FAM227B: variants seen among roughly 807,000 people sequenced by gnomAD.
FAM227B encodes family with sequence similarity 227 member B.
FAM227B carries 88 observed loss-of-function variants against 73.8 expected under a neutral mutation model. The ratio of observed to expected loss-of-function variants is 1.19; its 90% CI spans 1.00 to 1.42. FAM227B has a LOEUF of 1.42. Ranked by LOEUF, FAM227B falls within the 40% of genes most tolerant of loss-of-function variation. The pLI is 0.00. For missense variants in FAM227B, 632 were observed against 590.9 expected (o/e 1.07, Z -0.72); for synonymous variants, 210 against 190.5 (o/e 1.10, Z -0.84).
At chr15:49,526,751 G>A (rs2060233786) in intron 10 of FAM227B, among the ~76,000 whole-genome samples, 1 of 152,000 alleles carries the variant, frequency 6.6e-6, no homozygotes, top group Admixed American at 6.6e-5. Flanking sequence ...AGGATCATCA[G>A]AGACTATTTT....
intron 11 of FAM227B, among the ~76,000 whole-genome samples, chr15:49,373,893 G>A (rs2045996247): frequency 6.6e-6 from 1 of 152,090 alleles, no homozygotes. Context: ...TAGAATATAT[G>A]TAATTAAAAT....
At chr15:49,369,758 G>A (rs1200051247) in intron 12 of FAM227B, among the ~76,000 whole-genome samples, 1 of 151,952 alleles carries the variant, frequency 6.6e-6, no homozygotes, top group East Asian at 1.9e-4. Flanking sequence ...CTTATTTATT[G>A]GCAAAACTTA....
At chr15:49,563,285 G>C (rs1462333757) in intron 9 of FAM227B, among the ~76,000 whole-genome samples, 2 of 152,042 alleles carry the variant, frequency 1.3e-5, no homozygotes, top group Non-Finnish European at 2.9e-5. Context: ...GCTAACCAGG[G>C]AGGTGAAAGA....
Position 49,508,221 on chromosome 15 carries a change from A to T in FAM227B, c.1002T>A (p.His334Gln), listed in dbSNP as rs151215796. 4.4e-6 allele frequency: 7 copies of T among 1,606,394 alleles called. No individual in the cohort carries two copies. Among genetic ancestry groups the T allele is most frequent in the Non-Finnish European group, 5.9e-6 (7 of 1,177,394 alleles). Residue 334 changes from histidine to glutamine, a missense_variant, in exon 11 of 16, where the codon CAT becomes CAA. His to Gln is a conservative substitution (Grantham distance 24, BLOSUM62 0). Coordinates refer to ENST00000299338, the MANE Select transcript of FAM227B (RefSeq NM_152647.3). ...VKERIADSQE[H>Q]ISTSIDFNII... ...AGAAACTTTACTTACTAGTTGATAT[A>T]TGTTCTTGACTGTCTGCAATTCTTT...
intron 10 of FAM227B, among the ~76,000 whole-genome samples, chr15:49,538,863 GTCTA>G (rs1365307015): frequency 2.6e-5 from 4 of 151,744 alleles, no homozygotes; most frequent in South Asian, 2.1e-4. Flanking sequence ...TTGTTTAGTT[GTCTA>G]TCTGTGTTCT....
chr15:49,338,137 G>A (rs1596283924), intron 13 of FAM227B, among the ~76,000 whole-genome samples: 1 of 152,136 alleles, frequency 6.6e-6, no homozygotes, highest in Non-Finnish European at 1.5e-5. Flanking sequence ...TACATTTAAG[G>A]TTAATATTGT....
chr15:49,489,870 A>ATATATATATATTT, intron 11 of FAM227B, among the ~76,000 whole-genome samples: 1 of 15,572 alleles, frequency 6.4e-5, no homozygotes, highest in Non-Finnish European at 1.5e-4. Context: ...TTATATATAT[A>ATATATATATATTT]TATATATATA....
intron 13 of FAM227B, among the ~76,000 whole-genome samples, chr15:49,357,258 G>C (rs1208616683): frequency 2.0e-5 from 3 of 150,258 alleles, no homozygotes; most frequent in African/African-American, 7.4e-5. Flanking sequence ...AGGAAATAGA[G>C]ACACAAAAAA....
Position 49,428,244 on chromosome 15 carries a change from T to C in FAM227B, c.1013-56845A>G, listed in dbSNP as rs182919655. On this transcript the variant is annotated intron_variant, in intron 11 of 15. Coordinates refer to ENST00000299338, the MANE Select transcript of FAM227B (RefSeq NM_152647.3). ...AGTCTCTCCCCTTTACTTATCTCTC[T>C]GGTGGCTTCACATTTAGCCTAACAG... Among the ~76,000 whole-genome samples the C allele has an allele frequency of 2.0e-5, 3 of 152,060 alleles. No individual in the cohort carries two copies. In the East Asian group the frequency reaches 5.8e-4, roughly 30 times the overall value.
chr15:49,435,243 G>A lies in FAM227B; in HGVS notation c.1013-63844C>T, dbSNP rs536226270. ...GTTGACAAATAATCACTGTAAAATC[G>A]AAGTAATCTTTATGGAGTTTTTTCC... On this transcript the variant is annotated intron_variant, in intron 11 of 15. Transcript: ENST00000299338. Among the ~76,000 whole-genome samples, 149 of 151,586 alleles carry A rather than the reference G, an allele frequency of 9.8e-4. 5 individuals carry two copies. The South Asian group carries it at 0.027, about 28-fold the overall frequency.
intron 3 of FAM227B, among the ~76,000 whole-genome samples, chr15:49,605,794 C>A (rs2077483075): frequency 6.6e-6 from 1 of 151,990 alleles, no homozygotes; most frequent in African/African-American, 2.4e-5. Context: ...CATGTGGTAG[C>A]CTAAAATCAA....
chr15:49,441,516 T>C (rs2051641302), intron 11 of FAM227B, among the ~76,000 whole-genome samples: 1 of 151,612 alleles, frequency 6.6e-6, no homozygotes, highest in African/African-American at 2.4e-5. Flanking sequence ...ACCAGGAAAG[T>C]AGACCAGGAA....
At chr15:49,434,171 T>C (rs2050872832) in intron 11 of FAM227B, among the ~76,000 whole-genome samples, 1 of 151,686 alleles carries the variant, frequency 6.6e-6, no homozygotes, top group Admixed American at 6.6e-5. Context: ...ATAGGCCTAG[T>C]TTATCTGGTT....
chr15:49,353,629 T>G (rs2042586704), intron 13 of FAM227B: 1 of 151,122 alleles, frequency 6.6e-6, no homozygotes, highest in African/African-American at 2.4e-5. Flanking sequence ...TTTTTTTTTT[T>G]GTAAAATCTC....
Position 49,575,023 on chromosome 15 carries a change from G to C in FAM227B, c.633C>G (p.Leu211=). Reference sequence around the variant, plus strand: ...AAAATCACTATACCCTAAATTTATGGAGAAACCACCACCAAAAGGAGTCAT... The same window carrying C: ...AAAATCACTATACCCTAAATTTATGCAGAAACCACCACCAAAAGGAGTCAT... ...LLHDSFWWWF[L]HKFRPDRENQ... The change falls in exon 8 of 16, where the codon CTC becomes CTG. Residue 211 remains leucine (L), a synonymous_variant. Transcript: ENST00000299338. The C allele has an allele frequency of 6.3e-7, 1 of 1,579,062 alleles. No individual in the cohort carries two copies. Among genetic ancestry groups the C allele is most frequent in the Non-Finnish European group, 8.6e-7 (1 of 1,160,234 alleles).
At chr15:49,505,974 T>G (rs1025746116) in intron 11 of FAM227B, among the ~76,000 whole-genome samples, 1 of 151,878 alleles carries the variant, frequency 6.6e-6, no homozygotes, top group African/African-American at 2.4e-5. Flanking sequence ...ATAGGAAAAC[T>G]GAAGTGTCTA....
intron 11 of FAM227B, among the ~76,000 whole-genome samples, chr15:49,408,818 T>G (rs1013396662): frequency 6.6e-6 from 1 of 151,812 alleles, no homozygotes; most frequent in Non-Finnish European, 1.5e-5. Context: ...GCAAGTAACA[T>G]GTGTTGTTGT....
At chr15:49,548,292 C>A (rs1358647209) in intron 9 of FAM227B, among the ~76,000 whole-genome samples, 1 of 151,934 alleles carries the variant, frequency 6.6e-6, no homozygotes. Flanking sequence ...TGGGTTTTAT[C>A]CTTCATTCTG....
At chr15:49,596,548 A>G (rs1216857197) in intron 3 of FAM227B, among the ~76,000 whole-genome samples, 1 of 152,006 alleles carries the variant, frequency 6.6e-6, no homozygotes, top group Non-Finnish European at 1.5e-5. Flanking sequence ...CAGGGCCTAT[A>G]AAACAATAAC....
Sources: allele counts gnomAD v4.1 joint callset (sites outside exome capture counted in the v4.1 genomes callset), GRCh38; gene constraint gnomAD v4.1.1; transcripts MANE v1.5; gene names NCBI Gene and HGNC (gene_info 2026-07-23, HGNC 2026-07-21).